MAML2: variants seen among roughly 807,000 people sequenced by gnomAD.
The protein encoded by MAML2 is mastermind like transcriptional coactivator 2.
MAML2 carries 22 observed loss-of-function variants against 96.1 expected under a neutral mutation model. The ratio of observed to expected loss-of-function variants is 0.23; its 90% CI spans 0.16 to 0.33. MAML2 has a LOEUF of 0.33. Among genes scored for constraint, MAML2 ranks in the 10% least tolerant of loss-of-function variants. The pLI is 1.00. For missense variants in MAML2, 1,367 were observed against 1,392.4 expected (o/e 0.98, Z 0.29); for synonymous variants, 561 against 521.3 (o/e 1.08, Z -1.04).
chr11:96,065,269 T>G (rs1015780813), intron 2 of MAML2, among the ~76,000 whole-genome samples: 1 of 152,160 alleles, frequency 6.6e-6, no homozygotes, highest in Non-Finnish European at 1.5e-5. Flanking sequence ...TAGAGAGAAG[T>G]TCTTGTAATA....
At chr11:96,326,006 G>A (rs1301304643) in intron 1 of MAML2, among the ~76,000 whole-genome samples, 1 of 151,860 alleles carries the variant, frequency 6.6e-6, no homozygotes, top group Non-Finnish European at 1.5e-5. Flanking sequence ...TCTCCAATTA[G>A]CCATATGAAG....
At chr11:96,059,154 A>C (rs1012678615) in intron 2 of MAML2, among the ~76,000 whole-genome samples, 1 of 152,196 alleles carries the variant, frequency 6.6e-6, no homozygotes, top group African/African-American at 2.4e-5. Flanking sequence ...TACCTAGGGT[A>C]AGTTAGTAAG....
intron 1 of MAML2, among the ~76,000 whole-genome samples, chr11:96,239,290 C>G (rs747435116): frequency 3.3e-5 from 5 of 152,328 alleles, no homozygotes; most frequent in Admixed American, 6.5e-5. Context: ...GGTGGCTTTT[C>G]TTTCCTTCCT....
intron 1 of MAML2, among the ~76,000 whole-genome samples, chr11:96,279,671 G>C (rs1269382523): frequency 6.6e-6 from 1 of 152,098 alleles, no homozygotes; most frequent in Non-Finnish European, 1.5e-5. Flanking sequence ...TTCTTTTTAT[G>C]AACATGTCAT....
intron 1 of MAML2, among the ~76,000 whole-genome samples, chr11:96,169,889 G>T (rs557112426): frequency 1.3e-5 from 2 of 152,208 alleles, no homozygotes; most frequent in Non-Finnish European, 2.9e-5. Context: ...TTTTGACCTC[G>T]TGATCTGCCC....
At chr11:96,118,894 C>G (rs1222212874) in intron 1 of MAML2, among the ~76,000 whole-genome samples, 1 of 152,086 alleles carries the variant, frequency 6.6e-6, no homozygotes, top group East Asian at 1.9e-4. Flanking sequence ...CACAACCTCC[C>G]CCTTTAACCT....
intron 1 of MAML2, among the ~76,000 whole-genome samples, chr11:96,246,521 A>C (rs1438156499): frequency 6.6e-6 from 1 of 152,058 alleles, no homozygotes; most frequent in East Asian, 1.9e-4. Flanking sequence ...CCTCCTCAAC[A>C]TATCCAAAAA....
At chr11:96,032,890 G>T (rs371993978) in intron 2 of MAML2, among the ~76,000 whole-genome samples, 21 of 152,138 alleles carry the variant, frequency 1.4e-4, no homozygotes, top group African/African-American at 3.6e-4. Context: ...GGGGGAAGAG[G>T]TTGAATACAA....
chr11:96,310,236 T>A (rs76349035), intron 1 of MAML2, among the ~76,000 whole-genome samples: 5,587 of 150,164 alleles, frequency 0.037, 166 homozygotes, highest in South Asian at 0.16. Flanking sequence ...CTAAAGGTTA[T>A]TTTTTTTTTC....
At chr11:96,051,569 T>A (rs1858991545) in intron 2 of MAML2, among the ~76,000 whole-genome samples, 1 of 152,126 alleles carries the variant, frequency 6.6e-6, no homozygotes. Context: ...TGATTCTAGA[T>A]CTCATGCCCT....
chr11:96,319,037 C>G (rs1290236691), intron 1 of MAML2, among the ~76,000 whole-genome samples: 4 of 152,142 alleles, frequency 2.6e-5, no homozygotes, highest in African/African-American at 9.7e-5. Context: ...AAATGTGTGA[C>G]TTTTGAGATA....
intron 1 of MAML2, among the ~76,000 whole-genome samples, chr11:96,232,140 T>TC (rs1351584345): frequency 6.6e-6 from 1 of 152,078 alleles, no homozygotes; most frequent in Non-Finnish European, 1.5e-5. Flanking sequence ...CAAATTTAGA[T>TC]CCCCCCAAGA....
At chr11:96,046,560 T>C (rs756842883) in intron 2 of MAML2, among the ~76,000 whole-genome samples, 44 of 152,302 alleles carry the variant, frequency 2.9e-4, no homozygotes, top group Middle Eastern at 6.8e-3. Context: ...CTGAGCAACT[T>C]GGGACATTCT....
At chr11:96,180,314 A>C (rs1232004209) in intron 1 of MAML2, among the ~76,000 whole-genome samples, 1 of 152,170 alleles carries the variant, frequency 6.6e-6, no homozygotes, top group Non-Finnish European at 1.5e-5. Flanking sequence ...TCAGAGCCAG[A>C]ATGTGTGACT....
chr11:96,042,798 G>A (rs1415629678), intron 2 of MAML2, among the ~76,000 whole-genome samples: 1 of 142,830 alleles, frequency 7.0e-6, no homozygotes, highest in Non-Finnish European at 1.5e-5. Flanking sequence ...AGGCTGGAGT[G>A]CAGTGGTGCC....
chr11:96,015,090 T>C (rs116923734), intron 2 of MAML2, among the ~76,000 whole-genome samples: 1,756 of 152,270 alleles, frequency 0.012, 30 homozygotes, highest in South Asian at 0.059. Context: ...AGTTAGTCAG[T>C]GATTGAGCCA....
chr11:96,312,357 A>G (rs1350121731), intron 1 of MAML2, among the ~76,000 whole-genome samples: 2 of 152,066 alleles, frequency 1.3e-5, no homozygotes, highest in Non-Finnish European at 2.9e-5. Context: ...TTCTTCTTTA[A>G]TCACCCAATG....
At chr11:96,083,786 T>C (rs1409019877) in intron 2 of MAML2, among the ~76,000 whole-genome samples, 1 of 152,138 alleles carries the variant, frequency 6.6e-6, no homozygotes, top group Non-Finnish European at 1.5e-5. Context: ...ATAAGACAGA[T>C]GCCACCCCTG....
intron 1 of MAML2, among the ~76,000 whole-genome samples, chr11:96,124,895 C>G (rs372653716): frequency 1.3e-5 from 2 of 152,190 alleles, no homozygotes; most frequent in East Asian, 3.8e-4. Context: ...GCAGCTTTCT[C>G]AAGATATTCT....
Sources: gnomAD v4.1 joint callset for allele counts (sites outside exome capture counted in the v4.1 genomes callset) on GRCh38, gnomAD v4.1.1 for gene constraint, MANE v1.5 for transcripts, NCBI Gene and HGNC (gene_info 2026-07-23, HGNC 2026-07-21) for gene names.